ANK3: variants seen among roughly 807,000 people sequenced by gnomAD.
ANK3 encodes the protein ankyrin 3.
In ANK3, 57 loss-of-function variants were observed where a neutral mutation model predicts 370.9. That is an observed-to-expected ratio of 0.15 (90% CI 0.12 to 0.19). The LOEUF (loss-of-function observed/expected upper bound fraction) is 0.19. ANK3 is among the 10% of genes least tolerant of loss of function. ANK3 has a pLI of 1.00. For synonymous variants in ANK3, 1,929 were observed against 1,946.3 expected, an observed-to-expected ratio of 0.99 and a Z score of 0.23; for missense variants, 4,439 against 5,302.1, an observed-to-expected ratio of 0.84 and a Z score of 5.06.
rs191639999 is a variant in ANK3, at chr10:60,567,747, C to A, written c.96+47439G>T. On this transcript the variant is annotated intron_variant, in intron 2 of 43. Transcript: ENST00000373827. ...ATTCACTATTCTAGATCCCATTAAG[C>A]ACATGTGTGATTCTTGGGAGGAGGT... is the stretch of plus-strand genomic sequence containing the variant. 1.4e-3 allele frequency among the ~76,000 whole-genome samples: 213 copies of A among 152,302 alleles called. 4 individuals are homozygous for A. The highest frequency in any genetic ancestry group is 0.013 in the Admixed American group (196 of 15,294).
At chr10:60,474,153 A>G (rs1034634861) in intron 2 of ANK3, among the ~76,000 whole-genome samples, 1 of 151,994 alleles carries the variant, frequency 6.6e-6, no homozygotes. Flanking sequence ...TAAATTAATA[A>G]ATTAAATAAA....
chr10:60,047,433 C>G (rs2077152586), intron 42 of ANK3, among the ~76,000 whole-genome samples: 1 of 152,082 alleles, frequency 6.6e-6, no homozygotes, highest in Non-Finnish European at 1.5e-5. Flanking sequence ...CTTGAATTGT[C>G]CAAAAATAGG....
intron 2 of ANK3, among the ~76,000 whole-genome samples, chr10:60,430,343 C>T (rs971597393): frequency 6.6e-6 from 1 of 151,910 alleles, no homozygotes; most frequent in Admixed American, 6.6e-5. Flanking sequence ...GTCCAAAGAC[C>T]AAACATTGTC....
rs930871354 is a variant in ANK3 at position 60,205,712 on chromosome 10, T to C, written c.1293+80A>G. 3.9e-6 allele frequency: 4 copies of C among 1,031,336 alleles called. No homozygotes were observed. The African/African-American group carries it at 6.3e-5, about 16-fold the overall frequency. The allele number at this position is 1,031,336 out of a possible 1,614,324, so 63.9% of individuals were successfully genotyped here. ...ATATGCAAACAAACTAGCTGGTCCC[T>C]GGAGATGGCCCTGGGGCTCTGGCTG... On this transcript the variant is annotated intron_variant, in intron 11 of 43. Transcript: ENST00000280772.
intron 10 of ANK3, among the ~76,000 whole-genome samples, chr10:60,207,694 T>C (rs562655681): frequency 1.3e-5 from 2 of 152,348 alleles, no homozygotes; most frequent in South Asian, 2.1e-4. Context: ...TGCCTTGTTT[T>C]CAGATCTCAG....
intron 2 of ANK3, among the ~76,000 whole-genome samples, chr10:60,562,129 C>T: frequency 6.6e-6 from 1 of 152,014 alleles, no homozygotes; most frequent in East Asian, 1.9e-4. Flanking sequence ...TTTAAAACAC[C>T]CACTTGGTAG....
chr10:60,464,627 G>A (rs994716781), intron 2 of ANK3, among the ~76,000 whole-genome samples: 14 of 152,100 alleles, frequency 9.2e-5, no homozygotes, highest in Admixed American at 3.3e-4. Context: ...TTTAGCATAC[G>A]AAGATGGAAT....
At position 60,371,057 on chromosome 10, in the gene ANK3, C is replaced by G. The variant is rs916082253; in HGVS notation, c.114+18368G>C. ...TCTTTCGGGATCCTTCCTTTCTCTT[C>G]CAACCACATTCAGTAAGTCATCATG... On this transcript the variant is annotated intron_variant, in intron 1 of 43. Transcript: ENST00000280772. Among the ~76,000 whole-genome samples, 8 of 152,202 alleles carry G rather than the reference C, an allele frequency of 5.3e-5. No homozygotes were observed. In the South Asian group the frequency reaches 1.5e-3, roughly 28 times the overall value.
chr10:60,087,264 T>G (rs933870165), intron 29 of ANK3, among the ~76,000 whole-genome samples: 1 of 152,182 alleles, frequency 6.6e-6, no homozygotes, highest in African/African-American at 2.4e-5. Context: ...TAAAGGCAAC[T>G]CATACCCACA....
At chr10:60,687,533 A>AC (rs375712984) in intron 1 of ANK3, among the ~76,000 whole-genome samples, 3,191 of 68,586 alleles carry the variant, frequency 0.047, 77 homozygotes, top group African/African-American at 0.13. Flanking sequence ...GGTATAAAAA[A>AC]AAACACACAC....
chr10:60,124,556 A>G (rs1210802414), intron 25 of ANK3, among the ~76,000 whole-genome samples: 2 of 152,204 alleles, frequency 1.3e-5, no homozygotes, highest in African/African-American at 4.8e-5. Flanking sequence ...GATATTTAGG[A>G]TAGCATATCC....
At chr10:60,602,851 A>T (rs577731026) in intron 2 of ANK3, among the ~76,000 whole-genome samples, 109 of 152,308 alleles carry the variant, frequency 7.2e-4, no homozygotes, top group African/African-American at 2.5e-3. Flanking sequence ...ACCTAATGCA[A>T]CACTAATATA....
intron 1 of ANK3, among the ~76,000 whole-genome samples, chr10:60,719,200 C>A (rs1214259415): frequency 2.0e-5 from 3 of 152,094 alleles, no homozygotes; most frequent in African/African-American, 7.2e-5. Context: ...TAAATTATCA[C>A]TTTCCATATA....
intron 8 of ANK3, among the ~76,000 whole-genome samples, chr10:60,229,072 C>T (rs1428869524): frequency 6.6e-6 from 1 of 152,142 alleles, no homozygotes; most frequent in Non-Finnish European, 1.5e-5. Context: ...GAATGCTTTG[C>T]AACTGTAAAA....
chr10:60,564,507 C>T (rs1467674284), intron 2 of ANK3, among the ~76,000 whole-genome samples: 2 of 152,128 alleles, frequency 1.3e-5, no homozygotes, highest in Non-Finnish European at 2.9e-5. Context: ...CAGCACACCA[C>T]CAACTTAGTA....
intron 2 of ANK3, among the ~76,000 whole-genome samples, chr10:60,568,322 A>G (rs1489572736): frequency 6.6e-6 from 1 of 152,210 alleles, no homozygotes; most frequent in Non-Finnish European, 1.5e-5. Context: ...ACTGACATCA[A>G]AAAAAGAACT....
At chr10:60,362,841 C>T (rs987578277) in intron 1 of ANK3, among the ~76,000 whole-genome samples, 3 of 151,992 alleles carry the variant, frequency 2.0e-5, no homozygotes, top group Non-Finnish European at 2.9e-5. Context: ...TGATGATGAC[C>T]GCAGAACCAG....
chr10:60,704,540 C>T (rs931767094), intron 1 of ANK3, among the ~76,000 whole-genome samples: 3 of 151,946 alleles, frequency 2.0e-5, no homozygotes, highest in Non-Finnish European at 1.5e-5. Flanking sequence ...AAAATAACCC[C>T]AGGAAAAGCA....
chr10:60,551,253 T>C (rs2077081816), intron 2 of ANK3, among the ~76,000 whole-genome samples: 2 of 152,120 alleles, frequency 1.3e-5, no homozygotes, highest in South Asian at 4.2e-4. Flanking sequence ...CAATAACAGA[T>C]CAAAGAACAA....
Sources: allele counts gnomAD v4.1 joint callset (sites outside exome capture counted in the v4.1 genomes callset), GRCh38; gene constraint gnomAD v4.1.1; transcripts MANE v1.5; gene names NCBI Gene and HGNC (gene_info 2026-07-23, HGNC 2026-07-21).